The following TTLL5 variants were observed in gnomAD, a reference collection of about 807,000 sequenced individuals.
TTLL5 encodes the protein tubulin polyglutamylase TTLL5.
In TTLL5, 132 loss-of-function variants were observed where a neutral mutation model predicts 168.4. That is an observed-to-expected ratio of 0.78 (90% confidence interval 0.68 to 0.91). The LOEUF (loss-of-function observed/expected upper bound fraction) is 0.91. Ranked by LOEUF, TTLL5 falls within the 40% of genes least tolerant of loss-of-function variation. The pLI, the probability that TTLL5 is intolerant of heterozygous loss-of-function variation, is 0.00. For missense variants in TTLL5, 1,545 were observed against 1,581.5 expected, an observed-to-expected ratio of 0.98 and a Z score of 0.39; for synonymous variants, 546 against 558.6, an observed-to-expected ratio of 0.98 and a Z score of 0.32.
intron 18 of TTLL5, among the ~76,000 whole-genome samples, chr14:75,756,745 T>G (rs1222221637): frequency 6.6e-6 from 1 of 152,110 alleles, no homozygotes; most frequent in East Asian, 1.9e-4. Context: ...TGGCCTCAAG[T>G]AATCCACCTA....
intron 31 of TTLL5, among the ~76,000 whole-genome samples, chr14:75,937,689 G>C (rs2034476305): frequency 6.6e-6 from 1 of 152,138 alleles, no homozygotes; most frequent in African/African-American, 2.4e-5. Flanking sequence ...GTTGTAACAA[G>C]CAGAATTCCC....
chr14:75,715,254 C>G lies in TTLL5; in HGVS notation c.741-2607C>G, dbSNP rs188295851. 2.7e-3 allele frequency among the ~76,000 whole-genome samples: 411 copies of G among 149,874 alleles called. 5 individuals carry two copies. Among genetic ancestry groups the G allele is most frequent in the African/African-American group, 9.5e-3 (388 of 40,878 alleles). Reference sequence around the variant, plus strand: ...CTTCTGGCTGACTTCCCACCCTACTCACCATCTTCCTTTTTTTTTTTTTTT... The same window carrying G: ...CTTCTGGCTGACTTCCCACCCTACTGACCATCTTCCTTTTTTTTTTTTTTT... On this transcript the variant is annotated intron_variant, in intron 9 of 31. Coordinates refer to ENST00000298832, the MANE Select transcript of TTLL5 (RefSeq NM_015072.5).
chr14:75,696,372 A>G (rs1885869088), intron 6 of TTLL5, among the ~76,000 whole-genome samples: 1 of 152,192 alleles, frequency 6.6e-6, no homozygotes, highest in Non-Finnish European at 1.5e-5. Context: ...CACAGATTAG[A>G]TACTTAGAGG....
At chr14:75,879,123 T>C (rs1398534806) in intron 29 of TTLL5, among the ~76,000 whole-genome samples, 3 of 152,220 alleles carry the variant, frequency 2.0e-5, no homozygotes, top group Non-Finnish European at 4.4e-5. Context: ...CCATTTCCAG[T>C]GTGAATCACC....
chr14:75,698,642 C>T (rs1299732094), intron 6 of TTLL5, among the ~76,000 whole-genome samples: 2 of 152,134 alleles, frequency 1.3e-5, no homozygotes, highest in African/African-American at 2.4e-5. Flanking sequence ...GTGGCTTATA[C>T]CTGTAATTCC....
chr14:75,862,092 G>A (rs2030058708), intron 28 of TTLL5, among the ~76,000 whole-genome samples: 2 of 152,068 alleles, frequency 1.3e-5, no homozygotes, highest in South Asian at 4.1e-4. Flanking sequence ...CCTCACATAA[G>A]TGGCATCATA....
At chr14:75,841,530 T>A (rs1166305632) in intron 28 of TTLL5, among the ~76,000 whole-genome samples, 1 of 152,200 alleles carries the variant, frequency 6.6e-6, no homozygotes, top group East Asian at 1.9e-4. Flanking sequence ...TGGTCTGACT[T>A]TCTGGGTGAT....
At chr14:75,862,019 A>C (rs1234047972) in intron 28 of TTLL5, among the ~76,000 whole-genome samples, 1 of 152,170 alleles carries the variant, frequency 6.6e-6, no homozygotes, top group Admixed American at 6.5e-5. Context: ...CTATTCCCTA[A>C]TTCCATAGCC....
At chr14:75,731,412 CACACACACACAG>C (rs1369727676) in intron 12 of TTLL5, among the ~76,000 whole-genome samples, 5 of 142,418 alleles carry the variant, frequency 3.5e-5, no homozygotes, top group Non-Finnish European at 7.7e-5. Flanking sequence ...CACACACACA[CACACACACACAG>C]GACTGTACAT....
intron 27 of TTLL5, among the ~76,000 whole-genome samples, chr14:75,807,564 C>A (rs1008569144): frequency 2.0e-5 from 3 of 152,096 alleles, no homozygotes; most frequent in African/African-American, 7.2e-5. Flanking sequence ...TCTCTTTAAC[C>A]CTAATGAGGT....
At chr14:75,716,784 C>G (rs1887494799) in intron 9 of TTLL5, among the ~76,000 whole-genome samples, 1 of 152,166 alleles carries the variant, frequency 6.6e-6, no homozygotes, top group Non-Finnish European at 1.5e-5. Flanking sequence ...TTCTCTCTTT[C>G]CCTGGTTACT....
chr14:75,860,515 C>T lies in TTLL5; in HGVS notation c.3327-3152C>T, dbSNP rs576217813. 2.4e-4 allele frequency among the ~76,000 whole-genome samples: 36 copies of T among 152,304 alleles called. No individual in the cohort carries two copies. In the East Asian group the frequency reaches 3.1e-3, roughly 13 times the overall value. On this transcript the variant is annotated intron_variant, in intron 28 of 31. Coordinates refer to ENST00000298832, the MANE Select transcript of TTLL5 (RefSeq NM_015072.5). ...ACTTCTGTAACCAGCAAAGCAGGAA[C>T]GAAAGCAGAACCACTGTTGATGGGC... is the stretch of plus-strand genomic sequence containing the variant.
chr14:75,775,568 C>G lies in TTLL5; in HGVS notation c.2221C>G (p.Leu741Val). 6.2e-7 allele frequency: 1 copy of G among 1,614,132 alleles called. No homozygotes were observed. The highest frequency in any genetic ancestry group is 8.5e-7 in the Non-Finnish European group (1 of 1,180,008). ...RMVLPSRRLA[L>V]LERRRILAHQ... ...GGTATTACCCAGTCGACGATTGGCACTTCTGGAACGCAGAAGAATCCTGGC... is the reference window on the plus strand; with the variant it reads ...GGTATTACCCAGTCGACGATTGGCAGTTCTGGAACGCAGAAGAATCCTGGC... Residue 741 changes from leucine (L) to valine (V), a missense_variant, in exon 22 of 32, where the codon CTT becomes GTT. Coordinates refer to ENST00000298832, the MANE Select transcript of TTLL5 (RefSeq NM_015072.5).
intron 6 of TTLL5, among the ~76,000 whole-genome samples, chr14:75,696,507 T>C (rs1885883852): frequency 6.6e-6 from 1 of 152,232 alleles, no homozygotes; most frequent in Non-Finnish European, 1.5e-5. Context: ...GTGAAAAAAA[T>C]ATATAAACTG....
At chr14:75,665,518 A>G (rs561874789) in intron 2 of TTLL5, among the ~76,000 whole-genome samples, 2 of 152,350 alleles carry the variant, frequency 1.3e-5, no homozygotes, top group South Asian at 4.1e-4. Flanking sequence ...CATGTGATCT[A>G]GGGGTGAGTC....
intron 31 of TTLL5, among the ~76,000 whole-genome samples, chr14:75,914,033 A>AAAAAAAAAAAAAT: frequency 5.6e-5 from 4 of 71,102 alleles, no homozygotes; most frequent in Non-Finnish European, 8.3e-5. Flanking sequence ...AAAAAAAAAA[A>AAAAAAAAAAAAAT]ATATATATAT....
intron 9 of TTLL5, chr14:75,711,039 TAA>T (rs1887038182): frequency 6.6e-6 from 1 of 152,248 alleles, no homozygotes; most frequent in Non-Finnish European, 1.5e-5. Flanking sequence ...TTTTGTGATA[TAA>T]GTTATTTTGT....
intron 3 of TTLL5, among the ~76,000 whole-genome samples, chr14:75,680,415 A>G (rs1884508408): frequency 6.6e-6 from 1 of 152,172 alleles, no homozygotes; most frequent in Admixed American, 6.5e-5. Flanking sequence ...AGAGACGTCT[A>G]GAAATCTAGA....
intron 21 of TTLL5, among the ~76,000 whole-genome samples, chr14:75,773,904 ATACAT>A (rs1278903595): frequency 0.014 from 881 of 61,272 alleles, 14 homozygotes; most frequent in Non-Finnish European, 0.025. Context: ...AAAAAAAAAA[ATACAT>A]ATATATATAT....
Sources: gnomAD v4.1 joint callset for allele counts (sites outside exome capture counted in the v4.1 genomes callset) on GRCh38, gnomAD v4.1.1 for gene constraint, MANE v1.5 for transcripts, NCBI Gene and HGNC (gene_info 2026-07-23, HGNC 2026-07-21) for gene names.